CFAP100: variants seen among roughly 807,000 people sequenced by gnomAD.
The protein encoded by CFAP100 is cilia and flagella associated protein 100, also known as cilia- and flagella-associated protein 100.
Under a neutral mutation model 81.5 loss-of-function variants are expected in CFAP100, and 70 were observed. That is an observed-to-expected ratio of 0.86 (90% CI 0.71 to 1.05). The LOEUF is 1.05. Ranked by LOEUF, CFAP100 falls within the 50% of genes least tolerant of loss-of-function variation. CFAP100 has a pLI of 0.00. For synonymous variants in CFAP100, 341 were observed against 314.8 expected (o/e 1.08, Z -0.88); for missense variants, 811 against 776.5 (o/e 1.04, Z -0.53).
At chr3:126,410,533 ACT>A (rs1395050315) in intron 3 of CFAP100, among the ~76,000 whole-genome samples, 2 of 150,248 alleles carry the variant, frequency 1.3e-5, no homozygotes, top group African/African-American at 4.9e-5. Context: ...ACAGGGTCTC[ACT>A]CTGTCACTCA....
In CFAP100 at chr3:126,419,748, T is replaced by G. The variant is rs2083298466; in HGVS notation, c.843T>G (p.Phe281Leu). ...WLEEQEKKHS[F>L]LKKAKEVSEA... ...AAGAACAGGAAAAGAAACACTCGTT[T>G]CTCAAAAAGGCCAAGGAGGTCTCCG... The change falls in exon 9 of 17, where the codon TTT becomes TTG. Residue 281 changes from phenylalanine to leucine, a missense_variant. Transcript: ENST00000352312. 1.9e-6 allele frequency: 3 copies of G among 1,613,936 alleles called. 1 individual carries two copies. In the South Asian group the frequency reaches 3.3e-5, roughly 18 times the overall value.
At chr3:126,423,406 G>A (rs776272490) in intron 12 of CFAP100, 30 bp downstream of exon 12, 87 of 1,610,358 alleles carry the variant, frequency 5.4e-5, no homozygotes, top group Admixed American at 8.4e-5. Context: ...GCTGGAATTC[G>A]GAAGTCGCCC....
At position 126,418,325 on chromosome 3, in the gene CFAP100, T is replaced by C. The variant is rs1204459558; in HGVS notation, c.419-133T>C. 4.2e-6 allele frequency: 3 copies of C among 709,766 alleles called. No individual in the cohort carries two copies. The Admixed American group carries it at 6.8e-5, about 16-fold the overall frequency. 44.0% of individuals were successfully genotyped at this position (709,766 alleles called of 1,614,324 possible). On this transcript the variant is annotated intron_variant, in intron 5 of 16. Transcript: ENST00000352312. ...CAGAGGACAAGAACACTACCTTCCA[T>C]GGTCCCGGTAGTCACCTGGGCGTGG...
chr3:126,402,327 C>G (rs1457655733), intron 2 of CFAP100, among the ~76,000 whole-genome samples: 1 of 152,204 alleles, frequency 6.6e-6, no homozygotes, highest in Non-Finnish European at 1.5e-5. Flanking sequence ...TGCTTACTCA[C>G]AGATCCCTAG....
chr3:126,432,096 C>T (rs1348859045), intron 13 of CFAP100, among the ~76,000 whole-genome samples: 2 of 151,842 alleles, frequency 1.3e-5, no homozygotes, highest in Non-Finnish European at 2.9e-5. Flanking sequence ...CTGGCTAACA[C>T]AGTGAAACCC....
chr3:126,412,608 G>C (rs2083175830), intron 3 of CFAP100, among the ~76,000 whole-genome samples: 1 of 152,112 alleles, frequency 6.6e-6, no homozygotes, highest in African/African-American at 2.4e-5. Context: ...GTATTACATT[G>C]ATCGGCTTAA....
chr3:126,409,670 G>A (rs922596194), intron 3 of CFAP100, among the ~76,000 whole-genome samples: 2 of 152,166 alleles, frequency 1.3e-5, no homozygotes, highest in Non-Finnish European at 2.9e-5. Context: ...CATATTTCCT[G>A]GTAACCCAGG....
At chr3:126,412,329 C>T (rs1218010922) in intron 3 of CFAP100, among the ~76,000 whole-genome samples, 1 of 152,158 alleles carries the variant, frequency 6.6e-6, no homozygotes, top group African/African-American at 2.4e-5. Context: ...GACAGTTTCC[C>T]CACCTCAGGA....
chr3:126,399,120 C>T (rs373286931), intron 2 of CFAP100, among the ~76,000 whole-genome samples: 127 of 152,296 alleles, frequency 8.3e-4, no homozygotes, highest in African/African-American at 2.7e-3. Flanking sequence ...CAAGGTAAAA[C>T]GCGGTGCCCC....
intron 14 of CFAP100, 84 bp from the exon 15 acceptor site, chr3:126,434,092 G>C: frequency 8.2e-7 from 1 of 1,220,812 alleles, no homozygotes; most frequent in Non-Finnish European, 1.2e-6. Flanking sequence ...CACCCTGGGA[G>C]GTCAGCAGGC....
At chr3:126,395,073 C>G (rs1375300295) in intron 1 of CFAP100, 95 bp downstream of exon 1, 33 of 152,410 alleles carry the variant, frequency 2.2e-4, no homozygotes, top group Admixed American at 2.2e-3. Context: ...GCCCGAGGGG[C>G]GCGCGTGGCC....
Position 126,416,332 on chromosome 3 carries a change from A to AGAC in CFAP100, c.245_247dup (p.Thr82dup). The AGAC allele has an allele frequency of 6.3e-7, 1 of 1,594,696 alleles. No homozygotes were observed. The highest frequency in any genetic ancestry group is 1.1e-5 in the South Asian group (1 of 89,650). On this transcript the variant is annotated inframe_insertion, in exon 5 of 17. Coordinates refer to ENST00000352312, the MANE Select transcript of CFAP100 (RefSeq NM_182628.3). Reference sequence around the variant, plus strand: ...CGCCCCCAGGAACGGCAGCAGCAGAAGACGATGCGGGTGCACCAGAAGATG... The same window carrying AGAC: ...CGCCCCCAGGAACGGCAGCAGCAGAAGACGACGATGCGGGTGCACCAGAAGATG...
intron 14 of CFAP100, chr3:126,433,564 G>A (rs1933316964): frequency 4.2e-6 from 1 of 239,940 alleles, no homozygotes; most frequent in African/African-American, 2.3e-5. Flanking sequence ...GTGGTGTTCT[G>A]AGCAGCAGAA....
In CFAP100 at chr3:126,418,702, T is replaced by C; in HGVS notation, c.578T>C (p.Leu193Pro). The C allele has an allele frequency of 6.3e-7, 1 of 1,588,674 alleles. No individual in the cohort carries two copies. Among genetic ancestry groups the C allele is most frequent in the Non-Finnish European group, 8.6e-7 (1 of 1,168,480 alleles). Residue 193 changes from leucine to proline, a missense_variant, in exon 7 of 17, where the codon CTG becomes CCG. Physicochemically the swap from Leu to Pro is moderately conservative, Grantham distance 98. Coordinates refer to ENST00000352312, the MANE Select transcript of CFAP100 (RefSeq NM_182628.3). ...AGGCTGGAGCGGGCCGAGAAATCCCTGGAGAAGGACGCCGCCTTGTTCGAC... is the reference window on the plus strand; with the variant it reads ...AGGCTGGAGCGGGCCGAGAAATCCCCGGAGAAGGACGCCGCCTTGTTCGAC... ...EARLERAEKS[L>P]EKDAALFDEF...
intron 2 of CFAP100, among the ~76,000 whole-genome samples, chr3:126,398,861 G>A (rs1407131276): frequency 6.6e-6 from 1 of 152,240 alleles, no homozygotes; most frequent in Non-Finnish European, 1.5e-5. Flanking sequence ...GGGGCACAGA[G>A]GGCCATGAGA....
chr3:126,433,993 A>T, intron 14 of CFAP100, 183 bp from the exon 15 acceptor site: 1 of 588,938 alleles, frequency 1.7e-6, no homozygotes, highest in Non-Finnish European at 3.0e-6. Flanking sequence ...CCCGGGGGAT[A>T]GGCTGCTCTG....
intron 13 of CFAP100, among the ~76,000 whole-genome samples, chr3:126,427,019 TAG>T (rs1229408987): frequency 1.3e-5 from 2 of 152,126 alleles, no homozygotes; most frequent in Admixed American, 1.3e-4. Context: ...GGAAAATAAA[TAG>T]AGAGATATTC....
At chr3:126,418,936 A>G in intron 7 of CFAP100, 140 bp from the exon 8 acceptor site, 1 of 1,030,522 alleles carries the variant, frequency 9.7e-7, no homozygotes, top group Non-Finnish European at 1.4e-6. Flanking sequence ...TACGGGCAAA[A>G]GGCTTAACTG....
At chr3:126,399,229 T>G (rs1482731405) in intron 2 of CFAP100, among the ~76,000 whole-genome samples, 1 of 152,228 alleles carries the variant, frequency 6.6e-6, no homozygotes, top group African/African-American at 2.4e-5. Flanking sequence ...TGTTGCTTAC[T>G]GTCTCACTCC....
Sources: allele counts gnomAD v4.1 joint callset (sites outside exome capture counted in the v4.1 genomes callset), GRCh38; gene constraint gnomAD v4.1.1; transcripts MANE v1.5; gene names NCBI Gene and HGNC (gene_info 2026-07-23, HGNC 2026-07-21).